The following VWA8 variants were observed in gnomAD, a reference collection of about 807,000 sequenced individuals.
VWA8 encodes the protein von Willebrand factor A domain-containing protein 8.
In VWA8, 221 loss-of-function variants were observed where a neutral mutation model predicts 241.5. The ratio of observed to expected loss-of-function variants is 0.91; its 90% CI spans 0.82 to 1.02. The LOEUF (loss-of-function observed/expected upper bound fraction) is 1.02. VWA8 is among the 50% of genes least tolerant of loss of function. The probability of loss-of-function intolerance (pLI) is 0.00; values close to 1 mark genes in which losing one functional copy is unlikely to be tolerated. For synonymous variants in VWA8, 852 were observed against 827.1 expected (o/e 1.03, Z -0.52); for missense variants, 2,322 against 2,328.7 (o/e 1.00, Z 0.06).
chr13:41,675,316 T>C lies in VWA8; in HGVS notation c.4328-20A>G. ...TAACATCTACAAACAAGTCATGACATGAGCCAAGTATTAAATTACTGCAAG... is the reference window on the plus strand; with the variant it reads ...TAACATCTACAAACAAGTCATGACACGAGCCAAGTATTAAATTACTGCAAG... On this transcript the variant is annotated intron_variant, in intron 35 of 44. Coordinates refer to ENST00000379310, the MANE Select transcript of VWA8 (RefSeq NM_015058.2). 1 of 1,574,972 alleles carries C rather than the reference T, an allele frequency of 6.3e-7. No individual in the cohort carries two copies. The highest frequency in any genetic ancestry group is 2.2e-5 in the East Asian group (1 of 44,522).
At chr13:41,622,646 G>A (rs983501824) in intron 37 of VWA8, among the ~76,000 whole-genome samples, 1 of 152,156 alleles carries the variant, frequency 6.6e-6, no homozygotes, top group African/African-American at 2.4e-5. Flanking sequence ...CCCCTTACAT[G>A]TGAATTAAAA....
At chr13:41,585,287 C>T (rs12866745) in intron 42 of VWA8, among the ~76,000 whole-genome samples, 27,698 of 152,122 alleles carry the variant, frequency 0.18, 2,665 homozygotes, top group South Asian at 0.31. Flanking sequence ...AATCATACCA[C>T]CTCCCTGGAG....
chr13:41,773,860 T>C (rs1322151929), intron 20 of VWA8, among the ~76,000 whole-genome samples: 1 of 152,214 alleles, frequency 6.6e-6, no homozygotes, highest in East Asian at 1.9e-4. Flanking sequence ...TAGCATTTCA[T>C]TATTCTGTCT....
At chr13:41,814,202 A>G (rs1870592910) in intron 16 of VWA8, among the ~76,000 whole-genome samples, 1 of 152,208 alleles carries the variant, frequency 6.6e-6, no homozygotes, top group Non-Finnish European at 1.5e-5. Flanking sequence ...AGGCTGGGAA[A>G]TGGGACTTAG....
At chr13:41,856,016 C>T (rs1267737244) in intron 12 of VWA8, among the ~76,000 whole-genome samples, 1 of 152,110 alleles carries the variant, frequency 6.6e-6, no homozygotes, top group East Asian at 1.9e-4. Context: ...GGTAATATTA[C>T]CAATTTGTTC....
intron 43 of VWA8, among the ~76,000 whole-genome samples, chr13:41,573,486 A>AAATAAATAAATAAAT: frequency 3.5e-5 from 4 of 113,614 alleles, no homozygotes; most frequent in African/African-American, 1.4e-4. Flanking sequence ...AAAAAAAAAA[A>AAATAAATAAATAAAT]ATATATATAT....
chr13:41,729,551 T>A lies in VWA8; in HGVS notation c.2629A>T (p.Ile877Phe). 2 of 1,611,574 alleles carry A rather than the reference T, an allele frequency of 1.2e-6. No homozygotes were observed. Among genetic ancestry groups the A allele is most frequent in the Non-Finnish European group, 1.7e-6 (2 of 1,178,942 alleles). Reference protein sequence around the residue: ...GEMILADGRRIVANSANVNGR... With the variant: ...GEMILADGRRFVANSANVNGR... ...TTTCTAAAATACTCACTTGCAACAA[T>A]GCGTCTTCCATCTGCTAGAATCATT... Residue 877 changes from isoleucine to phenylalanine, a missense_variant, in exon 23 of 45, where the codon ATT becomes TTT. Physicochemically the swap from Ile to Phe is conservative, Grantham distance 21 (BLOSUM62 0). Transcript: ENST00000379310.
At chr13:41,649,481 T>C (rs1566401791) in intron 37 of VWA8, among the ~76,000 whole-genome samples, 1 of 152,098 alleles carries the variant, frequency 6.6e-6, no homozygotes, top group Non-Finnish European at 1.5e-5. Flanking sequence ...TGAATTATAG[T>C]CAGGCAGATA....
chr13:41,764,650 A>G (rs532292985), intron 20 of VWA8, among the ~76,000 whole-genome samples: 1 of 152,284 alleles, frequency 6.6e-6, no homozygotes, highest in South Asian at 2.1e-4. Flanking sequence ...TGATACAGGT[A>G]GAACAGTATG....
intron 1 of VWA8, 71 bp from the exon 2 acceptor site, chr13:41,950,084 C>T: frequency 8.9e-6 from 8 of 897,342 alleles, no homozygotes; most frequent in Non-Finnish European, 1.4e-5. Context: ...TGCAACAATG[C>T]TTGTCCTGAC....
At chr13:41,660,425 C>T (rs957641844) in intron 37 of VWA8, among the ~76,000 whole-genome samples, 8 of 152,086 alleles carry the variant, frequency 5.3e-5, no homozygotes, top group African/African-American at 1.9e-4. Context: ...CAGATGATCA[C>T]CCTTCTTAAA....
intron 37 of VWA8, among the ~76,000 whole-genome samples, chr13:41,662,927 G>T (rs1282007628): frequency 2.0e-5 from 3 of 152,074 alleles, no homozygotes; most frequent in African/African-American, 7.2e-5. Flanking sequence ...TTTCCTGAGA[G>T]TACCACTTCA....
intron 2 of VWA8, chr13:41,926,592 G>A (rs898626629): frequency 1.8e-6 from 1 of 546,912 alleles, no homozygotes; most frequent in African/African-American, 1.9e-5. Flanking sequence ...TTCACCACCT[G>A]CGAGTTCTAT....
At chr13:41,725,517 G>T (rs9590631) in intron 24 of VWA8, among the ~76,000 whole-genome samples, 3 of 152,026 alleles carry the variant, frequency 2.0e-5, no homozygotes, top group Admixed American at 1.3e-4. Flanking sequence ...GAGTGGGAAG[G>T]GTCACATATG....
intron 2 of VWA8, among the ~76,000 whole-genome samples, chr13:41,921,281 T>C (rs931214532): frequency 4.6e-5 from 7 of 152,264 alleles, no homozygotes; most frequent in Non-Finnish European, 7.4e-5. Flanking sequence ...ATTGATGGGA[T>C]GTATCTCAAA....
intron 17 of VWA8, among the ~76,000 whole-genome samples, chr13:41,792,632 C>T (rs1227660032): frequency 1.3e-5 from 2 of 151,996 alleles, no homozygotes; most frequent in Admixed American, 6.5e-5. Flanking sequence ...ACCAGCTTGT[C>T]AAATTCACTA....
intron 13 of VWA8, among the ~76,000 whole-genome samples, chr13:41,830,871 AAG>A (rs1480001830): frequency 3.3e-5 from 5 of 152,144 alleles, no homozygotes; most frequent in South Asian, 4.1e-4. Flanking sequence ...AGGGATATGA[AAG>A]AGGGGGAGGA....
intron 37 of VWA8, among the ~76,000 whole-genome samples, chr13:41,652,458 G>GT (rs2044875554): frequency 6.6e-6 from 1 of 152,172 alleles, no homozygotes; most frequent in Non-Finnish European, 1.5e-5. Flanking sequence ...GTGAGAGAAT[G>GT]TATCAGAAGC....
At chr13:41,816,576 A>G in intron 16 of VWA8, 122 bp downstream of exon 16, 1 of 883,060 alleles carries the variant, frequency 1.1e-6, no homozygotes, top group Admixed American at 2.5e-5. Context: ...AAGGCATAGC[A>G]TAAGGGATTC....
Sources: gnomAD v4.1 joint callset for allele counts (sites outside exome capture counted in the v4.1 genomes callset) on GRCh38, gnomAD v4.1.1 for gene constraint, MANE v1.5 for transcripts, NCBI Gene and HGNC (gene_info 2026-07-23, HGNC 2026-07-21) for gene names.